The following PDGFA variants were observed in gnomAD, a reference collection of about 807,000 sequenced individuals.
PDGFA encodes platelet-derived growth factor subunit A.
Under a neutral mutation model 25.6 loss-of-function variants are expected in PDGFA, and 9 were observed. That is an observed-to-expected ratio of 0.35 (90% CI 0.21 to 0.61). The LOEUF (loss-of-function observed/expected upper bound fraction) is 0.61, where lower values mean the gene tolerates loss of function less well. Ranked by LOEUF, PDGFA falls within the 20% of genes least tolerant of loss-of-function variation. The pLI, the probability that PDGFA is intolerant of heterozygous loss-of-function variation, is 0.75. For synonymous variants in PDGFA, 133 were observed against 111.8 expected (o/e 1.19, Z -1.20); for missense variants, 242 against 272.8 (o/e 0.89, Z 0.79).
chr7:504,840 C>G (rs536025228), intron 4 of PDGFA, among the ~76,000 whole-genome samples: 258 of 152,350 alleles, frequency 1.7e-3, no homozygotes, highest in African/African-American at 6.0e-3. Context: ...CACCAGACGC[C>G]CAGGCGAGGG....
upstream of PDGFA, among the ~76,000 whole-genome samples, chr7:519,776 G>A (rs1460524058): frequency 6.7e-6 from 1 of 148,428 alleles, no homozygotes; most frequent in African/African-American, 2.4e-5. Context: ...GCCGCCGCCG[G>A]GAGAGGAGGA....
chr7:511,193 G>A (rs958700243), intron 3 of PDGFA, among the ~76,000 whole-genome samples, 197 bp from the exon 4 acceptor site: 1 of 150,284 alleles, frequency 6.7e-6, no homozygotes, highest in Non-Finnish European at 1.5e-5. Context: ...ATCCAGAGGA[G>A]CCCAGCCCGG....
At chr7:506,230 T>C (rs984089893) in intron 4 of PDGFA, among the ~76,000 whole-genome samples, 14 of 149,428 alleles carry the variant, frequency 9.4e-5, no homozygotes, top group Non-Finnish European at 1.5e-5. Context: ...ATACCTGTGA[T>C]CCCAGGAATT....
chr7:510,349 C>T (rs1485442628), intron 4 of PDGFA, among the ~76,000 whole-genome samples: 1 of 151,976 alleles, frequency 6.6e-6, no homozygotes, highest in Non-Finnish European at 1.5e-5. Flanking sequence ...ACCAGGGGCA[C>T]CTTGTGGCCT....
At chr7:511,058 G>T in intron 3 of PDGFA, 62 bp from the exon 4 acceptor site, 1 of 1,367,702 alleles carries the variant, frequency 7.3e-7, no homozygotes, top group Non-Finnish European at 1.0e-6. Flanking sequence ...CCACCCCAGG[G>T]CTGAGGCGGC....
intron 4 of PDGFA, among the ~76,000 whole-genome samples, chr7:505,081 C>T (rs997901164): frequency 1.3e-5 from 2 of 152,238 alleles, no homozygotes; most frequent in African/African-American, 4.8e-5. Context: ...TCCGCCACCT[C>T]TGTCTGGCCA....
chr7:497,378 C>T (rs1782088228), exon 6 of PDGFA: 1 of 151,700 alleles, frequency 6.6e-6, no homozygotes, highest in Non-Finnish European at 1.5e-5. Flanking sequence ...TACAAAAAAA[C>T]AAACCACACA....
intron 4 of PDGFA, among the ~76,000 whole-genome samples, chr7:505,980 C>A (rs906844630): frequency 6.6e-6 from 1 of 152,040 alleles, no homozygotes; most frequent in Non-Finnish European, 1.5e-5. Flanking sequence ...TCAAGACCAG[C>A]CTGACCAATA....
At chr7:516,046 C>T (rs1235250412) in intron 2 of PDGFA, among the ~76,000 whole-genome samples, 180 of 66,952 alleles carry the variant, frequency 2.7e-3, no homozygotes, top group African/African-American at 9.1e-3. Context: ...AGCAGCCCCC[C>T]CCCCCCACTT....
intron 2 of PDGFA, chr7:512,723 C>G (rs571032991): frequency 1.5e-6 from 2 of 1,306,486 alleles, no homozygotes; most frequent in Non-Finnish European, 2.0e-6. Flanking sequence ...GGGCCCGTGA[C>G]GAAGCGCAGG....
chr7:518,419 C>A (rs926100694), intron 1 of PDGFA: 2 of 153,064 alleles, frequency 1.3e-5, no homozygotes, highest in African/African-American at 4.8e-5. Flanking sequence ...GCTCAGCCAC[C>A]TGTAAGCAGG....
At chr7:503,376 CTG>C (rs1220837195) in intron 4 of PDGFA, among the ~76,000 whole-genome samples, 3 of 152,144 alleles carry the variant, frequency 2.0e-5, no homozygotes, top group Non-Finnish European at 4.4e-5. Flanking sequence ...CATGGGGAAA[CTG>C]AGGCTAGAAA....
chr7:515,867 TG>T (rs545450664), intron 2 of PDGFA, among the ~76,000 whole-genome samples: 201 of 151,158 alleles, frequency 1.3e-3, no homozygotes, highest in African/African-American at 4.6e-3. Context: ...TGGGTGGGGG[TG>T]GAGGAGGCGG....
rs552653053 is a variant in PDGFA, at chr7:505,242, G to A, written c.454-4000C>T. On this transcript the variant is annotated intron_variant, in intron 4 of 5. Transcript: ENST00000402802. ...TACCCCGGCCCCCAGGCCCCAAGCCGAAGCCCAAGTGATGGGGGGGGTCCC... is the reference window on the plus strand; with the variant it reads ...TACCCCGGCCCCCAGGCCCCAAGCCAAAGCCCAAGTGATGGGGGGGGTCCC... Among the ~76,000 whole-genome samples the A allele has an allele frequency of 3.3e-5, 5 of 152,272 alleles. No homozygotes were observed. In the South Asian group the frequency reaches 6.2e-4, roughly 19 times the overall value.
intron 4 of PDGFA, 32 bp downstream of exon 4, chr7:510,777 G>GGGAGGGGAGA (rs1562489622): frequency 1.4e-6 from 1 of 728,044 alleles, no homozygotes; most frequent in Non-Finnish European, 2.1e-6. Flanking sequence ...AGGAGGGGAG[G>GGGAGGGGAGA]GGAGGGGAGG....
intron 5 of PDGFA, 114 bp downstream of exon 5, chr7:501,002 G>A (rs1240764669): frequency 6.2e-7 from 1 of 1,605,274 alleles, no homozygotes. Context: ...TTCAACAGCA[G>A]CCCAGATGCT....
intron 4 of PDGFA, among the ~76,000 whole-genome samples, chr7:508,590 T>TAAAAAAAAACCC (rs1275774675): frequency 1.5e-5 from 2 of 130,888 alleles, no homozygotes; most frequent in Non-Finnish European, 3.2e-5. Context: ...AAAAAAAAAT[T>TAAAAAAAAACCC]CTCAGCTGAG....
At chr7:520,036 C>T, upstream of PDGFA, 1 of 397,646 alleles carries the variant, frequency 2.5e-6, no homozygotes, top group Non-Finnish European at 5.0e-6. Context: ...CACACGCGCT[C>T]GCGCAAGCAG....
rs1367577089 is a variant in PDGFA at position 500,400 on chromosome 7, A to C, written c.580+716T>G. 3.1e-6 allele frequency: 5 copies of C among 1,606,348 alleles called. No individual in the cohort carries two copies. The highest frequency in any genetic ancestry group is 4.3e-6 in the Non-Finnish European group (5 of 1,173,040). On this transcript the variant is annotated intron_variant, in intron 5 of 5. Coordinates refer to ENST00000402802, the Ensembl canonical transcript of PDGFA. The surrounding 1 kb of genome is among the most constrained non-coding windows in gnomAD (Gnocchi z 5.0). ...AGTCAGTTGCACCTCCCCGCCCTGC[A>C]GGACTCAGTGTGTCCGGCAGACAGT... is the stretch of plus-strand genomic sequence containing the variant.
Sources: gnomAD v4.1 joint callset for allele counts (sites outside exome capture counted in the v4.1 genomes callset) on GRCh38, gnomAD v4.1.1 for gene constraint, Gnocchi (gnomAD v3.1) non-coding constraint, MANE v1.5 for transcripts, NCBI Gene and HGNC (gene_info 2026-07-23, HGNC 2026-07-21) for gene names.